GRID2: variants seen among roughly 807,000 people sequenced by gnomAD.
The protein encoded by GRID2 is glutamate receptor ionotropic, delta-2.
A neutral mutation model predicts 114.8 loss-of-function variants in GRID2; 33 were observed. The observed-to-expected ratio is 0.29, with a 90% CI of 0.22 to 0.38. GRID2 has a LOEUF of 0.38. GRID2 is among the 10% of genes least tolerant of loss of function. The pLI, the probability that GRID2 is intolerant of heterozygous loss-of-function variation, is 1.00. For missense variants in GRID2, 1,184 were observed against 1,257.7 expected (o/e 0.94, Z 0.89); for synonymous variants, 505 against 449.9 (o/e 1.12, Z -1.55).
Position 93,308,516 on chromosome 4 carries a change from GC to G in GRID2, c.1245+70027del, listed in dbSNP as rs1248417480. On this transcript the variant is annotated intron_variant, in intron 8 of 15. Transcript: ENST00000282020. ...GTAAACTCAGTCGAAGTGAGCTTCGGCTGCAGGTTCAACACTGCTTACTTAA... is the reference window on the plus strand; with the variant it reads ...GTAAACTCAGTCGAAGTGAGCTTCGGTGCAGGTTCAACACTGCTTACTTAA... Among the ~76,000 whole-genome samples the G allele has an allele frequency of 2.0e-5, 3 of 152,086 alleles. No individual in the cohort carries two copies. In the East Asian group the frequency reaches 5.8e-4, roughly 29 times the overall value.
intron 2 of GRID2, among the ~76,000 whole-genome samples, chr4:93,029,594 A>G (rs1377483681): frequency 6.6e-6 from 1 of 152,146 alleles, no homozygotes; most frequent in African/African-American, 2.4e-5. Context: ...TCACACTAAA[A>G]ATATCATATT....
intron 1 of GRID2, among the ~76,000 whole-genome samples, chr4:92,499,811 C>T (rs1242823795): frequency 3.9e-5 from 6 of 152,296 alleles, no homozygotes; most frequent in African/African-American, 1.4e-4. Flanking sequence ...CACAGGGTTT[C>T]ACCATGTTGG....
chr4:92,478,730 T>C lies in GRID2; in HGVS notation c.89-111401T>C, dbSNP rs138322495. ...CACACTTTTAAATATATCTGACTTC[T>C]TTTTTTCCCTTTATGGTTTTCCATC... is the stretch of plus-strand genomic sequence containing the variant. On this transcript the variant is annotated intron_variant, in intron 1 of 15. Transcript: ENST00000282020. 4.0e-3 allele frequency among the ~76,000 whole-genome samples: 613 copies of C among 152,260 alleles called. 8 individuals carry two copies. Among genetic ancestry groups the C allele is most frequent in the African/African-American group, 0.014 (579 of 41,548 alleles).
rs569866141 is a variant in GRID2 at position 92,533,893 on chromosome 4, T to G, written c.89-56238T>G. ...ATTTAGATGTTCTGTTAGCTGTAGA[T>G]TCTATAGATTTAATCTATAATTCTA... On this transcript the variant is annotated intron_variant, in intron 1 of 15. Coordinates refer to ENST00000282020, the MANE Select transcript of GRID2 (RefSeq NM_001510.4). Among the ~76,000 whole-genome samples, 4 of 152,042 alleles carry G rather than the reference T, an allele frequency of 2.6e-5. No individual in the cohort carries two copies. In the South Asian group the frequency reaches 6.2e-4, roughly 24 times the overall value.
intron 8 of GRID2, among the ~76,000 whole-genome samples, chr4:93,389,426 C>T (rs1361162859): frequency 6.6e-6 from 1 of 152,098 alleles, no homozygotes; most frequent in African/African-American, 2.4e-5. Context: ...CATATTAGGA[C>T]ACGGTGTCTA....
At chr4:92,312,570 C>T (rs977515770) in intron 1 of GRID2, among the ~76,000 whole-genome samples, 2 of 151,896 alleles carry the variant, frequency 1.3e-5, no homozygotes, top group African/African-American at 2.4e-5. Flanking sequence ...GACTAATATT[C>T]GGAATATGGG....
intron 8 of GRID2, among the ~76,000 whole-genome samples, chr4:93,250,767 TA>T (rs1554017738): frequency 1.4e-5 from 2 of 147,580 alleles, no homozygotes; most frequent in Admixed American, 6.8e-5. Flanking sequence ...TATATATATA[TA>T]AAAAAAGTGT....
chr4:93,043,472 G>A (rs1451097387), intron 2 of GRID2, among the ~76,000 whole-genome samples: 1 of 152,120 alleles, frequency 6.6e-6, no homozygotes, highest in East Asian at 1.9e-4. Context: ...AGTCTGCAAT[G>A]GCTTCACAGA....
rs151165514 is a variant in GRID2 at position 93,550,823 on chromosome 4, A to G, written c.2193+35412A>G. On this transcript the variant is annotated intron_variant, in intron 13 of 15. Coordinates refer to ENST00000282020, the MANE Select transcript of GRID2 (RefSeq NM_001510.4). ...TGAACATTTATTGCATACTTATTAT[A>G]TGCCCTAAATATTTGAGATGCATAT... 6.6e-3 allele frequency among the ~76,000 whole-genome samples: 1,008 copies of G among 152,358 alleles called. 9 individuals are homozygous for G. Among genetic ancestry groups the G allele is most frequent in the South Asian group, 0.022 (108 of 4,830 alleles).
At chr4:93,758,224 G>A (rs1294264644) in intron 14 of GRID2, among the ~76,000 whole-genome samples, 12 of 152,092 alleles carry the variant, frequency 7.9e-5, no homozygotes, top group Admixed American at 7.9e-4. Flanking sequence ...TAAAAAAATA[G>A]TTTAGACTTC....
rs544554039 is a variant in GRID2 at position 93,176,788 on chromosome 4, G to A, written c.736-30616G>A. 7.2e-5 allele frequency among the ~76,000 whole-genome samples: 11 copies of A among 152,256 alleles called. No individual in the cohort carries two copies. In the South Asian group the frequency reaches 1.2e-3, roughly 17 times the overall value. On this transcript the variant is annotated intron_variant, in intron 4 of 15. Coordinates refer to ENST00000282020, the MANE Select transcript of GRID2 (RefSeq NM_001510.4). ...CCAGTTTAACACAGAATTCTCAGCC[G>A]TATTTTACCTTTGCCTCTATGTTTA...
intron 2 of GRID2, among the ~76,000 whole-genome samples, chr4:92,964,740 T>A (rs1753027587): frequency 6.6e-6 from 1 of 151,956 alleles, no homozygotes; most frequent in Non-Finnish European, 1.5e-5. Flanking sequence ...CATCTGAAGC[T>A]TTCTGACCTC....
At chr4:92,800,451 T>G (rs1740097983) in intron 2 of GRID2, among the ~76,000 whole-genome samples, 1 of 151,974 alleles carries the variant, frequency 6.6e-6, no homozygotes, top group South Asian at 2.1e-4. Context: ...CACAACATGC[T>G]AACATAATAG....
At chr4:93,698,489 T>C (rs1727237146) in intron 14 of GRID2, among the ~76,000 whole-genome samples, 1 of 152,032 alleles carries the variant, frequency 6.6e-6, no homozygotes. Context: ...TTTCTATTCG[T>C]GAGAGTAGAA....
intron 2 of GRID2, among the ~76,000 whole-genome samples, chr4:92,970,274 T>C (rs957798198): frequency 7.9e-5 from 12 of 151,916 alleles, no homozygotes; most frequent in African/African-American, 2.9e-4. Flanking sequence ...TGTACTTAAT[T>C]GAAGTAAGTG....
chr4:92,576,107 T>C (rs1727879651), intron 1 of GRID2, among the ~76,000 whole-genome samples: 1 of 152,186 alleles, frequency 6.6e-6, no homozygotes, highest in Non-Finnish European at 1.5e-5. Flanking sequence ...GAGGGCACTC[T>C]GTACCAGAGA....
intron 2 of GRID2, among the ~76,000 whole-genome samples, chr4:92,939,466 C>A (rs1750927641): frequency 6.8e-6 from 1 of 146,984 alleles, no homozygotes; most frequent in Non-Finnish European, 1.5e-5. Flanking sequence ...TGGATATTAG[C>A]CCTTTGTCAG....
At chr4:92,668,885 C>A (rs12646114) in intron 2 of GRID2, among the ~76,000 whole-genome samples, 1 of 151,718 alleles carries the variant, frequency 6.6e-6, no homozygotes. Flanking sequence ...TAAGTATAAA[C>A]AGATAGACAT....
chr4:92,854,251 G>T (rs895600398), intron 2 of GRID2, among the ~76,000 whole-genome samples: 4 of 151,946 alleles, frequency 2.6e-5, no homozygotes, highest in Non-Finnish European at 5.9e-5. Context: ...GAATTAATGT[G>T]CTGTATTTCC....
Sources: gnomAD v4.1 joint callset for allele counts (sites outside exome capture counted in the v4.1 genomes callset) on GRCh38, gnomAD v4.1.1 for gene constraint, MANE v1.5 for transcripts, NCBI Gene and HGNC (gene_info 2026-07-23, HGNC 2026-07-21) for gene names.